WDPCP: variants seen among roughly 807,000 people sequenced by gnomAD.
The protein encoded by WDPCP is WD repeat containing planar cell polarity effector, also known as WD repeat-containing and planar cell polarity effector protein fritz homolog.
A neutral mutation model predicts 93.1 loss-of-function variants in WDPCP; 71 were observed. That is an observed-to-expected ratio of 0.76 (90% CI 0.63 to 0.93). The LOEUF (loss-of-function observed/expected upper bound fraction) is 0.93. Ranked by LOEUF, WDPCP falls within the 40% of genes least tolerant of loss-of-function variation. WDPCP has a pLI of 0.00. For missense variants in WDPCP, 844 were observed against 887.4 expected (o/e 0.95, Z 0.62); for synonymous variants, 315 against 315.0 (o/e 1.00, Z 0.00).
At chr2:63,726,700 G>A (rs941350515) in intron 2 of WDPCP, among the ~76,000 whole-genome samples, 1 of 152,100 alleles carries the variant, frequency 6.6e-6, no homozygotes, top group East Asian at 1.9e-4. Context: ...ACTTCTTTGT[G>A]TTGTCTCTAA....
chr2:63,652,917 T>G (rs1333870183), intron 2 of WDPCP, among the ~76,000 whole-genome samples: 1 of 152,122 alleles, frequency 6.6e-6, no homozygotes, highest in African/African-American at 2.4e-5. Context: ...TCTGCACTCT[T>G]CCCCAACTAC....
At chr2:63,373,621 T>A (rs1691599204) in intron 12 of WDPCP, among the ~76,000 whole-genome samples, 1 of 151,950 alleles carries the variant, frequency 6.6e-6, no homozygotes, top group Admixed American at 6.6e-5. Flanking sequence ...CTGTTTTACA[T>A]TAACAATGAT....
At chr2:63,603,796 TACAG>T (rs1221923039) in intron 3 of WDPCP, among the ~76,000 whole-genome samples, 3 of 152,058 alleles carry the variant, frequency 2.0e-5, no homozygotes, top group Non-Finnish European at 4.4e-5. Context: ...TAGCTGGGAT[TACAG>T]ACATGTGCCA....
intron 6 of WDPCP, chr2:63,442,482 T>A (rs1038570478): frequency 4.6e-5 from 7 of 152,212 alleles, no homozygotes; most frequent in African/African-American, 1.7e-4. Context: ...CTTGCCTCCA[T>A]GACGTTCATC....
chr2:63,754,919 T>C (rs780587139), intron 2 of WDPCP, among the ~76,000 whole-genome samples: 13 of 152,198 alleles, frequency 8.5e-5, no homozygotes, highest in Non-Finnish European at 1.9e-4. Context: ...AGGTCATTCA[T>C]GAGTTTGCCA....
intron 10 of WDPCP, among the ~76,000 whole-genome samples, chr2:63,386,463 A>C (rs1692739656): frequency 5.9e-5 from 9 of 152,108 alleles, no homozygotes; most frequent in Admixed American, 5.9e-4. Context: ...AAGATGCTTG[A>C]TTCCAACAGT....
intron 3 of WDPCP, among the ~76,000 whole-genome samples, chr2:63,630,093 G>T (rs950430778): frequency 3.3e-5 from 5 of 152,124 alleles, no homozygotes; most frequent in Admixed American, 6.5e-5. Flanking sequence ...AAGCATAAGT[G>T]ATGTGCAATA....
chr2:63,478,531 C>A (rs539868863), intron 6 of WDPCP, among the ~76,000 whole-genome samples: 35 of 152,178 alleles, frequency 2.3e-4, no homozygotes, highest in African/African-American at 8.2e-4. Context: ...AAGGAACCCT[C>A]AAAACCATGC....
chr2:63,344,874 T>G (rs1458288301), intron 12 of WDPCP, among the ~76,000 whole-genome samples: 1 of 152,172 alleles, frequency 6.6e-6, no homozygotes, highest in Non-Finnish European at 1.5e-5. Flanking sequence ...GAAATGTCCT[T>G]ATGGCCACTA....
Position 63,566,818 on chromosome 2 carries a change from C to A in WDPCP, c.75+21379G>T, listed in dbSNP as rs189420124. 2.2e-4 allele frequency among the ~76,000 whole-genome samples: 33 copies of A among 152,350 alleles called. No homozygotes were observed. In the East Asian group the frequency reaches 4.8e-3, roughly 22 times the overall value. On this transcript the variant is annotated intron_variant, in intron 1 of 17. Transcript: ENST00000272321. ...CCCATGTTGTTGCTGATACTTATGA[C>A]TGACTAGCTATATATTCAAGGGTTC...
chr2:63,266,894 T>G (rs1356870860), intron 13 of WDPCP, among the ~76,000 whole-genome samples: 2 of 152,180 alleles, frequency 1.3e-5, no homozygotes, highest in East Asian at 3.8e-4. Context: ...AGTGTTAAAA[T>G]GTTCATACTA....
intron 12 of WDPCP, chr2:63,369,039 T>G (rs564993971): frequency 6.5e-6 from 1 of 154,198 alleles, no homozygotes; most frequent in East Asian, 1.9e-4. Context: ...TCATCATATC[T>G]CTCTTAATAG....
At chr2:63,349,881 CA>C (rs1689458106) in intron 12 of WDPCP, among the ~76,000 whole-genome samples, 1 of 152,178 alleles carries the variant, frequency 6.6e-6, no homozygotes, top group Admixed American at 6.5e-5. Context: ...CAGGCTCTCC[CA>C]GATCACATTC....
At chr2:63,217,943 A>C (rs1677487945) in intron 14 of WDPCP, among the ~76,000 whole-genome samples, 2 of 152,198 alleles carry the variant, frequency 1.3e-5, no homozygotes, top group African/African-American at 4.8e-5. Flanking sequence ...AGGCTATTTA[A>C]GGTTGTCCCC....
chr2:63,558,152 A>G (rs1055315038), intron 1 of WDPCP, among the ~76,000 whole-genome samples: 2 of 152,136 alleles, frequency 1.3e-5, no homozygotes, highest in Non-Finnish European at 2.9e-5. Flanking sequence ...TAAGAGACAT[A>G]AAAACCTCTT....
chr2:63,313,162 A>G, intron 13 of WDPCP, 86 bp downstream of exon 13: 1 of 1,308,240 alleles, frequency 7.6e-7, no homozygotes, highest in Non-Finnish European at 1.1e-6. Flanking sequence ...AGGCTGCAAA[A>G]TGACAGTAAT....
At chr2:63,632,937 T>G (rs1156667340) in intron 3 of WDPCP, among the ~76,000 whole-genome samples, 3 of 152,088 alleles carry the variant, frequency 2.0e-5, no homozygotes, top group Admixed American at 1.3e-4. Flanking sequence ...ATAATAAAAC[T>G]GTCAAAAATC....
chr2:63,823,250 G>C (rs1671051727), intron 1 of WDPCP, among the ~76,000 whole-genome samples: 1 of 150,906 alleles, frequency 6.6e-6, no homozygotes, highest in South Asian at 2.1e-4. Flanking sequence ...GCTCACGTCT[G>C]TAATCCCAGC....
chr2:63,449,793 A>C (rs1230675933), intron 6 of WDPCP, among the ~76,000 whole-genome samples: 1 of 152,102 alleles, frequency 6.6e-6, no homozygotes, highest in Non-Finnish European at 1.5e-5. Context: ...AAGTGGCTGC[A>C]GCTGGGCACC....
Sources: allele counts gnomAD v4.1 joint callset (sites outside exome capture counted in the v4.1 genomes callset), GRCh38; gene constraint gnomAD v4.1.1; transcripts MANE v1.5; gene names NCBI Gene and HGNC (gene_info 2026-07-23, HGNC 2026-07-21).